Variants in NR2E1 observed in about 807,000 individuals in gnomAD.
NR2E1 encodes the protein nuclear receptor TLX.
Under a neutral mutation model 43.6 loss-of-function variants are expected in NR2E1, and 5 were observed. The observed-to-expected ratio is 0.11, with a 90% CI of 0.06 to 0.24. The LOEUF (loss-of-function observed/expected upper bound fraction) is 0.24. Ranked by LOEUF, NR2E1 falls within the 10% of genes least tolerant of loss-of-function variation. NR2E1 has a pLI of 1.00. For missense variants in NR2E1, 287 were observed against 496.7 expected (o/e 0.58, Z 4.01); for synonymous variants, 191 against 195.5 (o/e 0.98, Z 0.19).
Position 108,176,720 on chromosome 6 carries a change from G to C in NR2E1, c.477G>C (p.Leu159=). 1 of 1,577,588 alleles carries C rather than the reference G, an allele frequency of 6.3e-7. No individual in the cohort carries two copies. The highest frequency in any genetic ancestry group is 1.3e-5 in the African/African-American group (1 of 74,536). Reference sequence around the variant, plus strand: ...CAGAGCGGCAGACCCTCGTGAGCCTGGCTCAGCCCACGCCCAAGGTCAGCG... The same window carrying C: ...CAGAGCGGCAGACCCTCGTGAGCCTCGCTCAGCCCACGCCCAAGGTCAGCG... ...TTPERQTLVS[L]AQPTPKYPHE... The change falls in exon 4 of 9, where the codon CTG becomes CTC. Residue 159 remains leucine, a synonymous_variant. Coordinates refer to ENST00000368986, the MANE Select transcript of NR2E1 (RefSeq NM_003269.5).
intron 2 of NR2E1, among the ~76,000 whole-genome samples, chr6:108,171,949 C>T (rs940613234): frequency 6.6e-6 from 1 of 152,202 alleles, no homozygotes; most frequent in African/African-American, 2.4e-5. Flanking sequence ...AGCATCTAAA[C>T]CACAAGTAGC....
intron 8 of NR2E1, among the ~76,000 whole-genome samples, chr6:108,186,014 G>A (rs1182370020): frequency 1.3e-5 from 2 of 152,182 alleles, no homozygotes; most frequent in African/African-American, 4.8e-5. Context: ...TACTATGCCT[G>A]GTCCTGGGAA....
intron 1 of NR2E1, chr6:108,168,306 C>T (rs1203654914): frequency 1.3e-6 from 1 of 765,214 alleles, no homozygotes; most frequent in Non-Finnish European, 2.0e-6. Flanking sequence ...CTAGCTCGCT[C>T]GCCCCGGGAC....
chr6:108,170,553 C>G (rs1169703572), intron 1 of NR2E1, among the ~76,000 whole-genome samples: 5 of 150,178 alleles, frequency 3.3e-5, no homozygotes, highest in Admixed American at 1.3e-4. Flanking sequence ...GAGGTGGGGT[C>G]CATGGGGGGT....
At chr6:108,171,437 C>T (rs1773809884) in intron 1 of NR2E1, 21 bp from the exon 2 acceptor site, 1 of 1,613,706 alleles carries the variant, frequency 6.2e-7, no homozygotes, top group African/African-American at 1.3e-5. Flanking sequence ...CCCCCCTTCC[C>T]CGTCTTTCCT....
At position 108,188,318 on chromosome 6, in the gene NR2E1, C is replaced by T. The variant is rs772713518; in HGVS notation, c.*855C>T. The stretch of plus-strand genomic sequence containing the variant: ...GTTAACATAGTGCTGAAACCAAAGG[C>T]AGTGGGGGTCCAAACTCGTGGTGCA... On this transcript the variant is annotated 3_prime_UTR_variant, in exon 9 of 9. Coordinates refer to ENST00000368986, the MANE Select transcript of NR2E1 (RefSeq NM_003269.5). 17 of 152,126 alleles carry T rather than the reference C, an allele frequency of 1.1e-4. No homozygotes were observed. The highest frequency in any genetic ancestry group is 2.4e-4 in the Non-Finnish European group (16 of 68,048). The allele number at this position is 152,126 out of a possible 1,614,324, so 9.4% of individuals were successfully genotyped here. A position where few individuals can be genotyped will look rare whatever the true frequency, so the allele number is the denominator to read the frequency against.
intron 8 of NR2E1, among the ~76,000 whole-genome samples, chr6:108,181,980 G>A (rs1773997990): frequency 1.3e-5 from 2 of 152,216 alleles, no homozygotes; most frequent in African/African-American, 4.8e-5. Flanking sequence ...GCTCACGCCT[G>A]TAATCCCAGC....
At chr6:108,185,766 A>G (rs1774067017) in intron 8 of NR2E1, among the ~76,000 whole-genome samples, 1 of 152,224 alleles carries the variant, frequency 6.6e-6, no homozygotes, top group African/African-American at 2.4e-5. Flanking sequence ...TGACTGACTA[A>G]CCAACCCTTT....
Position 108,171,430 on chromosome 6 carries a change from C to G in NR2E1, c.26-28C>G, listed in dbSNP as rs752658233. ...CCTCCTTTCCCTCTCGCCCCTTCCC[C>G]CCTTCCCCGTCTTTCCTGCGATTTC... On this transcript the variant is annotated intron_variant, in intron 1 of 8. Coordinates refer to ENST00000368986, the MANE Select transcript of NR2E1 (RefSeq NM_003269.5). The G allele has an allele frequency of 1.9e-6, 3 of 1,613,658 alleles. No homozygotes were observed. The South Asian group carries it at 3.3e-5, about 18-fold the overall frequency.
At chr6:108,174,111 C>T (rs1044949724) in intron 2 of NR2E1, among the ~76,000 whole-genome samples, 4 of 152,202 alleles carry the variant, frequency 2.6e-5, no homozygotes, top group Non-Finnish European at 5.9e-5. Flanking sequence ...TTTTCACCCT[C>T]ATCTTCTCTA....
Position 108,171,050 on chromosome 6 carries a change from A to G in NR2E1, c.26-408A>G, listed in dbSNP as rs555193558. Among the ~76,000 whole-genome samples the G allele has an allele frequency of 2.0e-5, 3 of 152,088 alleles. No homozygotes were observed. The East Asian group carries it at 5.8e-4, about 29-fold the overall frequency. On this transcript the variant is annotated intron_variant, in intron 1 of 8. Coordinates refer to ENST00000368986, the MANE Select transcript of NR2E1 (RefSeq NM_003269.5). ...TTTCTTCTTTTCCCTTTTACATTTC[A>G]AGTTTGTCTCCTCGCGCGCTCACTA...
At chr6:108,178,290 G>C in intron 5 of NR2E1, 49 bp downstream of exon 5, 1 of 1,605,282 alleles carries the variant, frequency 6.2e-7, no homozygotes. Context: ...GAAAGAAGCA[G>C]TAGCACTCAG....
chr6:108,185,536 G>C (rs764707166), intron 8 of NR2E1, among the ~76,000 whole-genome samples: 2 of 152,150 alleles, frequency 1.3e-5, no homozygotes, highest in Middle Eastern at 3.4e-3. Flanking sequence ...TCTGCCTTCT[G>C]AGTATCTGGG....
chr6:108,185,243 A>T (rs1005156165), intron 8 of NR2E1, among the ~76,000 whole-genome samples: 2 of 152,228 alleles, frequency 1.3e-5, no homozygotes, highest in Non-Finnish European at 2.9e-5. Flanking sequence ...CTATAACTGA[A>T]GATCAAATAT....
At chr6:108,188,806 T>A (rs1433023199), downstream of NR2E1, 1 of 152,194 alleles carries the variant, frequency 6.6e-6, no homozygotes, top group Non-Finnish European at 1.5e-5. Flanking sequence ...TGAATTTAAA[T>A]GAACTCTTTC....
chr6:108,184,384 G>A (rs1156662275), intron 8 of NR2E1, among the ~76,000 whole-genome samples: 1 of 152,154 alleles, frequency 6.6e-6, no homozygotes, highest in African/African-American at 2.4e-5. Context: ...GCAGGTGGGC[G>A]ATATGGGATA....
At chr6:108,178,010 CT>C (rs1307336210) in intron 4 of NR2E1, 84 bp from the exon 5 acceptor site, 1 of 1,434,188 alleles carries the variant, frequency 7.0e-7, no homozygotes, top group Non-Finnish European at 9.8e-7. Flanking sequence ...CCCTTCCTTG[CT>C]TTAATTAGAA....
At chr6:108,177,994 T>C (rs761819283) in intron 4 of NR2E1, 101 bp from the exon 5 acceptor site, 6 of 1,311,582 alleles carry the variant, frequency 4.6e-6, no homozygotes, top group Non-Finnish European at 6.6e-6. Context: ...CAAATTCTTT[T>C]TTATCCCCTT....
chr6:108,175,999 G>GCGGCCCT (rs1248236909), intron 3 of NR2E1: 1 of 158,796 alleles, frequency 6.3e-6, no homozygotes, highest in Non-Finnish European at 1.4e-5. Context: ...CTTTCCTCCT[G>GCGGCCCT]CGGCCCTCGG....
Sources: allele counts gnomAD v4.1 joint callset (sites outside exome capture counted in the v4.1 genomes callset), GRCh38; gene constraint gnomAD v4.1.1; transcripts MANE v1.5; gene names NCBI Gene and HGNC (gene_info 2026-07-23, HGNC 2026-07-21).